Variants in MYO16 observed in about 807,000 individuals in gnomAD.
MYO16 encodes the protein unconventional myosin-XVI.
A neutral mutation model predicts 205.3 loss-of-function variants in MYO16; 94 were observed. The observed-to-expected ratio is 0.46, with a 90% CI of 0.39 to 0.54. The LOEUF is 0.54. Ranked by LOEUF, MYO16 falls within the 20% of genes least tolerant of loss-of-function variation. The pLI is 0.00. For missense variants in MYO16, 2,315 were observed against 2,387.5 expected, an observed-to-expected ratio of 0.97 and a Z score of 0.63; for synonymous variants, 988 against 954.0, an observed-to-expected ratio of 1.04 and a Z score of -0.66.
intron 11 of MYO16, among the ~76,000 whole-genome samples, chr13:108,856,608 T>G (rs915934975): frequency 4.7e-5 from 7 of 150,508 alleles, no homozygotes; most frequent in Non-Finnish European, 8.8e-5. Context: ...TTTTATAACA[T>G]TTTTTCATCT....
chr13:108,989,074 G>T (rs1884734568), intron 20 of MYO16, among the ~76,000 whole-genome samples: 2 of 152,002 alleles, frequency 1.3e-5, no homozygotes, highest in Non-Finnish European at 2.9e-5. Flanking sequence ...TTTTAAATGA[G>T]GTTAAAGATA....
At chr13:109,099,967 G>A (rs931450831) in intron 27 of MYO16, among the ~76,000 whole-genome samples, 7 of 152,106 alleles carry the variant, frequency 4.6e-5, no homozygotes, top group Admixed American at 1.3e-4. Flanking sequence ...CGTTTCCTTC[G>A]GCTTGCGGAA....
chr13:108,742,224 C>A (rs1884933095), intron 4 of MYO16, among the ~76,000 whole-genome samples: 1 of 152,052 alleles, frequency 6.6e-6, no homozygotes, highest in African/African-American at 2.4e-5. Flanking sequence ...GAACTCCTGA[C>A]CTCATGTAAC....
At chr13:109,019,075 CCTCTCACCTCAGCGTCCTGAGAAA>C (rs1885933309) in intron 22 of MYO16, among the ~76,000 whole-genome samples, 1 of 150,802 alleles carries the variant, frequency 6.6e-6, no homozygotes, top group African/African-American at 2.4e-5. Flanking sequence ...GTCTAGTGAT[CCTCTCACCTCAGCGTCCTGAGAAA>C]CTGGGACTAC....
chr13:108,578,713 G>T, the MYO16 span, among the ~76,000 whole-genome samples: 19 of 152,180 alleles, frequency 1.2e-4, no homozygotes, highest in African/African-American at 3.9e-4. Context: ...CAGAATATGG[G>T]TACTATTCGT....
At chr13:108,775,856 G>A (rs1404750826) in intron 4 of MYO16, among the ~76,000 whole-genome samples, 2 of 152,202 alleles carry the variant, frequency 1.3e-5, no homozygotes, top group Non-Finnish European at 2.9e-5. Context: ...GCACATGTGC[G>A]AGGGTGAGAC....
chr13:108,999,842 T>C (rs1425106316), intron 21 of MYO16, among the ~76,000 whole-genome samples: 3 of 152,186 alleles, frequency 2.0e-5, no homozygotes, highest in Non-Finnish European at 4.4e-5. Context: ...TTTATTAGTA[T>C]ATATTTTCTA....
At chr13:108,707,363 A>G (rs1883549418) in intron 2 of MYO16, among the ~76,000 whole-genome samples, 1 of 152,236 alleles carries the variant, frequency 6.6e-6, no homozygotes, top group Non-Finnish European at 1.5e-5. Context: ...ATAGGGATCA[A>G]TGGACACATC....
chr13:109,158,729 TA>T (rs67969350), intron 32 of MYO16, among the ~76,000 whole-genome samples: 30,531 of 152,106 alleles, frequency 0.2, 3,320 homozygotes, highest in African/African-American at 0.29. Context: ...TGAGCTTTTT[TA>T]AAAAAATAAT....
At chr13:108,577,713 A>T in the MYO16 span, among the ~76,000 whole-genome samples, 280 of 152,364 alleles carry the variant, frequency 1.8e-3, 1 homozygote, top group Non-Finnish European at 2.2e-3. Flanking sequence ...ACTACAAGAC[A>T]TACTTATAGT....
chr13:108,867,031 C>T (rs1594355283), intron 12 of MYO16, among the ~76,000 whole-genome samples: 2 of 151,976 alleles, frequency 1.3e-5, no homozygotes, highest in East Asian at 1.9e-4. Context: ...CACCACCCCA[C>T]CCTCCACCCA....
At chr13:108,851,257 A>T (rs543297586) in intron 10 of MYO16, among the ~76,000 whole-genome samples, 66 of 152,330 alleles carry the variant, frequency 4.3e-4, no homozygotes, top group South Asian at 1.4e-3. Context: ...ACATGTATGA[A>T]TATGCATATG....
At chr13:108,959,737 C>A (rs1040443947) in intron 17 of MYO16, among the ~76,000 whole-genome samples, 2 of 152,146 alleles carry the variant, frequency 1.3e-5, no homozygotes, top group Non-Finnish European at 2.9e-5. Flanking sequence ...TCTAGCCGGG[C>A]GGCAGGGATG....
intron 14 of MYO16, among the ~76,000 whole-genome samples, chr13:108,891,650 T>G (rs1183336052): frequency 6.6e-6 from 1 of 152,216 alleles, no homozygotes; most frequent in African/African-American, 2.4e-5. Flanking sequence ...AGTGTGAAAT[T>G]TCCACGGAGG....
intron 4 of MYO16, among the ~76,000 whole-genome samples, chr13:108,738,828 G>T (rs1884797034): frequency 6.6e-6 from 1 of 152,126 alleles, no homozygotes; most frequent in Admixed American, 6.6e-5. Context: ...CTCCTGTATT[G>T]GGTGCATATA....
At chr13:108,594,427 C>T (rs960549104), upstream of MYO16, among the ~76,000 whole-genome samples, 3 of 152,294 alleles carry the variant, frequency 2.0e-5, no homozygotes, top group African/African-American at 7.2e-5. Context: ...GGCACTCTTT[C>T]CCTCCTTCAC....
At chr13:108,805,485 G>A (rs1261304532) in intron 6 of MYO16, among the ~76,000 whole-genome samples, 2 of 152,010 alleles carry the variant, frequency 1.3e-5, no homozygotes, top group Non-Finnish European at 2.9e-5. Context: ...AAAACACAAT[G>A]GAACAGAGCT....
At chr13:108,958,259 T>C (rs1883457899) in intron 17 of MYO16, among the ~76,000 whole-genome samples, 1 of 148,462 alleles carries the variant, frequency 6.7e-6, no homozygotes, top group Admixed American at 6.7e-5. Flanking sequence ...ATTCAACATA[T>C]ATATTTTATA....
chr13:108,641,210 C>A (rs560962569), intron 1 of MYO16, among the ~76,000 whole-genome samples: 5 of 152,316 alleles, frequency 3.3e-5, no homozygotes, highest in African/African-American at 1.2e-4. Context: ...TTGTGTGAAT[C>A]AATGCTGCAT....
Sources: gnomAD v4.1 joint callset for allele counts (sites outside exome capture counted in the v4.1 genomes callset) on GRCh38, gnomAD v4.1.1 for gene constraint, MANE v1.5 for transcripts, NCBI Gene and HGNC (gene_info 2026-07-23, HGNC 2026-07-21) for gene names.